The following E2F7 variants were observed in gnomAD, a reference collection of about 807,000 sequenced individuals.
The protein encoded by E2F7 is E2F transcription factor 7.
E2F7 carries 35 observed loss-of-function variants against 81.1 expected under a neutral mutation model. The ratio of observed to expected loss-of-function variants is 0.43; its 90% CI spans 0.33 to 0.57. The LOEUF (loss-of-function observed/expected upper bound fraction) is 0.57, where lower values mean the gene tolerates loss of function less well. Among genes scored for constraint, E2F7 ranks in the 20% least tolerant of loss-of-function variants. E2F7 has a pLI of 0.04. For synonymous variants in E2F7, 416 were observed against 416.2 expected, an observed-to-expected ratio of 1.00 and a Z score of 0.01; for missense variants, 961 against 1,093.7, an observed-to-expected ratio of 0.88 and a Z score of 1.71.
chr12:77,061,376 G>A (rs1955077498), intron 2 of E2F7, among the ~76,000 whole-genome samples: 1 of 152,116 alleles, frequency 6.6e-6, no homozygotes, highest in South Asian at 2.1e-4. Context: ...TTAAGTTTGG[G>A]CATTGTCCCC....
chr12:77,051,221 A>G (rs1001770250), intron 3 of E2F7, among the ~76,000 whole-genome samples: 3 of 152,210 alleles, frequency 2.0e-5, no homozygotes, highest in African/African-American at 7.2e-5. Context: ...GGTTGATGAA[A>G]GTGAATGAAG....
chr12:77,053,610 C>T (rs1451860396), intron 3 of E2F7, among the ~76,000 whole-genome samples: 1 of 152,200 alleles, frequency 6.6e-6, no homozygotes, highest in African/African-American at 2.4e-5. Flanking sequence ...TGTACACCAG[C>T]AGACATAAAC....
chr12:77,063,290 C>G (rs1025653758), intron 2 of E2F7, among the ~76,000 whole-genome samples: 1 of 152,114 alleles, frequency 6.6e-6, no homozygotes, highest in Non-Finnish European at 1.5e-5. Context: ...AAAAGGTGAA[C>G]GTTCTTGACT....
chr12:77,060,528 T>G (rs894889316), intron 2 of E2F7, among the ~76,000 whole-genome samples: 2 of 152,220 alleles, frequency 1.3e-5, no homozygotes, highest in Non-Finnish European at 2.9e-5. Flanking sequence ...GTGTATATAT[T>G]AGCTCTGGGC....
In E2F7 at chr12:77,022,408, G is replaced by A. The variant is rs1437203695; in HGVS notation, c.*1607C>T. Reference sequence around the variant, plus strand: ...TATATAAGTAGCAAATTTATTTAATGTAGCTACCTACCTCAAGTTTTAAAA... The same window carrying A: ...TATATAAGTAGCAAATTTATTTAATATAGCTACCTACCTCAAGTTTTAAAA... On this transcript the variant is annotated 3_prime_UTR_variant, in exon 13 of 13. Transcript: ENST00000322886. The A allele has an allele frequency of 6.6e-6, 1 of 152,394 alleles. No homozygotes were observed. The highest frequency in any genetic ancestry group is 1.9e-4 in the East Asian group (1 of 5,196). The allele number at this position is 152,394 out of a possible 1,614,324, so 9.4% of individuals were successfully genotyped here. A position where few individuals can be genotyped will look rare whatever the true frequency, so the allele number is the denominator to read the frequency against.
At chr12:77,055,725 CA>C (rs1955026214) in intron 3 of E2F7, 129 bp downstream of exon 3, 5 of 1,015,416 alleles carry the variant, frequency 4.9e-6, no homozygotes, top group Non-Finnish European at 6.9e-6. Flanking sequence ...TACTACAAAT[CA>C]AAAGATATTC....
chr12:77,061,307 C>A (rs1261039631), intron 2 of E2F7, among the ~76,000 whole-genome samples: 1 of 152,172 alleles, frequency 6.6e-6, no homozygotes. Context: ...ACTGAACTCA[C>A]CTTCATTCTC....
rs1448444860 is a variant in E2F7, at chr12:77,023,901, T to C, written c.*114A>G. The C allele has an allele frequency of 5.9e-5, 74 of 1,245,650 alleles. 1 individual carries two copies. The Middle Eastern group carries it at 1.1e-3, about 19-fold the overall frequency. The allele number at this position is 1,245,650 out of a possible 1,614,324, so 77.2% of individuals were successfully genotyped here. On this transcript the variant is annotated 3_prime_UTR_variant, in exon 13 of 13. Coordinates refer to ENST00000322886, the MANE Select transcript of E2F7 (RefSeq NM_203394.3). ...TGGTGGTGGGAAGTTAACAGAAGTG[T>C]GGATGAAAGAGAGAGGAAGGACCCG...
intron 2 of E2F7, among the ~76,000 whole-genome samples, chr12:77,060,327 A>G (rs995526639): frequency 1.3e-5 from 2 of 152,172 alleles, no homozygotes; most frequent in African/African-American, 4.8e-5. Context: ...TGAGCTCAGA[A>G]GGTAAAAGCA....
chr12:77,043,997 C>T (rs12809275), intron 6 of E2F7, among the ~76,000 whole-genome samples: 44 of 152,202 alleles, frequency 2.9e-4, no homozygotes, highest in Non-Finnish European at 5.7e-4. Flanking sequence ...ATGCAGCTTT[C>T]TTCTTCCCAA....
At position 77,044,739 on chromosome 12, in the gene E2F7, T is replaced by C; in HGVS notation, c.886A>G (p.Met296Val). ...TTGGTTTTGGAGACGAGGAACAGCATGACAAACTTCTGGCTCATAATTCTC... is the reference window on the plus strand; with the variant it reads ...TTGGTTTTGGAGACGAGGAACAGCACGACAAACTTCTGGCTCATAATTCTC... ...SLRIMSQKFV[M>V]LFLVSKTKIV... The change falls in exon 6 of 13, where the codon ATG becomes GTG. Residue 296 changes from methionine to valine, a missense_variant. Coordinates refer to ENST00000322886, the MANE Select transcript of E2F7 (RefSeq NM_203394.3). The C allele has an allele frequency of 6.2e-7, 1 of 1,614,178 alleles. No individual in the cohort carries two copies. Among genetic ancestry groups the C allele is most frequent in the Non-Finnish European group, 8.5e-7 (1 of 1,180,014 alleles).
intron 2 of E2F7, among the ~76,000 whole-genome samples, chr12:77,063,281 A>G (rs149654836): frequency 3.9e-5 from 6 of 152,216 alleles, no homozygotes; most frequent in African/African-American, 1.2e-4. Context: ...TTTTAAGTGA[A>G]AAGGTGAACG....
chr12:77,035,436 T>C (rs1954841020), intron 7 of E2F7, among the ~76,000 whole-genome samples: 1 of 152,186 alleles, frequency 6.6e-6, no homozygotes, highest in African/African-American at 2.4e-5. Flanking sequence ...AAGTGCCTGT[T>C]GCCAATGGCT....
rs539649566 is a variant in E2F7, at chr12:77,025,993, A to G, written c.2141-11T>C. 2 of 1,595,224 alleles carry G rather than the reference A, an allele frequency of 1.3e-6. No individual in the cohort carries two copies. The highest frequency in any genetic ancestry group is 2.3e-5 in the South Asian group (2 of 88,666). ...TGAAACCATTTAATCCTGAAAGAAA[A>G]GCAGAACAGGCGAAAATCAATATAT... On this transcript the variant is annotated splice_polypyrimidine_tract_variant and intron_variant, in intron 11 of 12. Coordinates refer to ENST00000322886, the MANE Select transcript of E2F7 (RefSeq NM_203394.3).
At chr12:77,058,586 T>C (rs928597337) in intron 2 of E2F7, among the ~76,000 whole-genome samples, 3 of 152,144 alleles carry the variant, frequency 2.0e-5, no homozygotes, top group African/African-American at 4.8e-5. Context: ...ACACAGGATG[T>C]AGGGCCAGTT....
At chr12:77,036,936 A>G (rs2120666526) in intron 7 of E2F7, among the ~76,000 whole-genome samples, 1 of 152,134 alleles carries the variant, frequency 6.6e-6, no homozygotes, top group South Asian at 2.1e-4. Flanking sequence ...TTTTTAGTAG[A>G]GATGGGGTTT....
intron 3 of E2F7, among the ~76,000 whole-genome samples, chr12:77,052,130 T>G (rs998294803): frequency 6.6e-6 from 1 of 152,224 alleles, no homozygotes; most frequent in African/African-American, 2.4e-5. Flanking sequence ...ACTTAGATTT[T>G]AAAGAATACT....
At chr12:77,038,656 GAAGA>G (rs1037388592) in intron 7 of E2F7, among the ~76,000 whole-genome samples, 63 of 152,290 alleles carry the variant, frequency 4.1e-4, no homozygotes, top group African/African-American at 1.5e-3. Context: ...TATTGGAAGA[GAAGA>G]AAGGTCTCAA....
Position 77,050,576 on chromosome 12 carries a change from C to G in E2F7, c.538G>C (p.Gly180Arg). ...ISLDEVAVSL[G>R]VERRRIYDIV... Reference sequence around the variant, plus strand: ...CTCCAGGTAATCTGATGATACATACCAAGACTGACAGCAACTTCATCTAGG... The same window carrying G: ...CTCCAGGTAATCTGATGATACATACGAAGACTGACAGCAACTTCATCTAGG... Residue 180 changes from glycine (G) to arginine (R), a missense_variant and splice_region_variant, in exon 4 of 13, where the codon GGT (glycine) becomes CGT (arginine). By Grantham distance (125) the Gly-to-Arg change is moderately radical. This residue lies in a region of E2F7 where 301 missense variants were observed against 405.0 expected (regional missense o/e 0.74). Transcript: ENST00000322886. The G allele has an allele frequency of 1.2e-6, 2 of 1,613,744 alleles. No homozygotes were observed. The highest frequency in any genetic ancestry group is 1.7e-6 in the Non-Finnish European group (2 of 1,179,768).
Sources: allele counts gnomAD v4.1 joint callset (sites outside exome capture counted in the v4.1 genomes callset), GRCh38; gene constraint gnomAD v4.1.1; regional missense constraint gnomAD v4.1.1; transcripts MANE v1.5; gene names NCBI Gene and HGNC (gene_info 2026-07-23, HGNC 2026-07-21).